The following CFAP299 variants were observed in gnomAD, a reference collection of about 807,000 sequenced individuals.
The protein encoded by CFAP299 is cilia and flagella associated protein 299, also known as cilia- and flagella-associated protein 299.
A neutral mutation model predicts 27.0 loss-of-function variants in CFAP299; 21 were observed. The observed-to-expected ratio is 0.78, with a 90% CI of 0.55 to 1.12. CFAP299 has a LOEUF of 1.12. Ranked by LOEUF, CFAP299 falls within the 50% of genes most tolerant of loss-of-function variation. The pLI, the probability that CFAP299 is intolerant of heterozygous loss-of-function variation, is 0.00. For synonymous variants in CFAP299, 104 were observed against 98.1 expected (o/e 1.06, Z -0.36); for missense variants, 310 against 276.6 (o/e 1.12, Z -0.86).
intron 4 of CFAP299, among the ~76,000 whole-genome samples, chr4:80,920,972 T>C (rs926805022): frequency 2.0e-5 from 3 of 152,146 alleles, no homozygotes; most frequent in Non-Finnish European, 4.4e-5. Context: ...TTCTAGTCTT[T>C]GTAAACGAAG....
At chr4:80,724,476 G>T (rs1723030818) in intron 3 of CFAP299, among the ~76,000 whole-genome samples, 1 of 151,826 alleles carries the variant, frequency 6.6e-6, no homozygotes, top group Non-Finnish European at 1.5e-5. Flanking sequence ...GCACTAATTT[G>T]GAGCCTGGTA....
At chr4:80,654,183 T>C (rs1740446040) in intron 3 of CFAP299, among the ~76,000 whole-genome samples, 1 of 152,164 alleles carries the variant, frequency 6.6e-6, no homozygotes, top group African/African-American at 2.4e-5. Context: ...AATACATTAT[T>C]GAATTCATGT....
chr4:80,639,429 G>A (rs1159849794), intron 3 of CFAP299, among the ~76,000 whole-genome samples: 1 of 152,108 alleles, frequency 6.6e-6, no homozygotes, highest in Non-Finnish European at 1.5e-5. Context: ...ATTCACAGCG[G>A]GACTAGCTGT....
At chr4:80,722,148 T>C (rs893372538) in intron 3 of CFAP299, among the ~76,000 whole-genome samples, 6 of 152,246 alleles carry the variant, frequency 3.9e-5, no homozygotes, top group Admixed American at 1.3e-4. Context: ...CCAGGCTCAG[T>C]GGCTCATGCC....
intron 4 of CFAP299, among the ~76,000 whole-genome samples, chr4:80,912,017 C>T (rs2110204143): frequency 6.6e-6 from 1 of 152,102 alleles, no homozygotes; most frequent in South Asian, 2.1e-4. Flanking sequence ...CACTAAATCA[C>T]TATTATTTAA....
intron 2 of CFAP299, among the ~76,000 whole-genome samples, chr4:80,436,707 A>G (rs988502303): frequency 4.6e-5 from 7 of 152,216 alleles, no homozygotes; most frequent in Non-Finnish European, 1.0e-4. Context: ...GGAACAAGAG[A>G]TAAAGATGAT....
chr4:80,661,860 G>A (rs923466160), intron 3 of CFAP299, among the ~76,000 whole-genome samples: 6 of 152,128 alleles, frequency 3.9e-5, no homozygotes, highest in Admixed American at 1.3e-4. Context: ...AAGAGAATGC[G>A]TCCCTAAGGG....
intron 3 of CFAP299, among the ~76,000 whole-genome samples, chr4:80,586,864 C>G (rs2109878178): frequency 6.6e-6 from 1 of 152,222 alleles, no homozygotes; most frequent in East Asian, 1.9e-4. Context: ...ACTATGTAAA[C>G]AGTCACATGG....
chr4:80,738,645 G>A (rs944178313), intron 3 of CFAP299, among the ~76,000 whole-genome samples: 34 of 148,330 alleles, frequency 2.3e-4, no homozygotes, highest in African/African-American at 7.4e-4. Context: ...TTTCTTGTAG[G>A]CAGCAAATCA....
chr4:80,696,564 T>G (rs1721107867), intron 3 of CFAP299, among the ~76,000 whole-genome samples: 1 of 152,178 alleles, frequency 6.6e-6, no homozygotes. Flanking sequence ...CTCTTTTTAC[T>G]TAATGTATAT....
At chr4:80,561,159 A>G (rs1222729462) in intron 2 of CFAP299, among the ~76,000 whole-genome samples, 1 of 152,136 alleles carries the variant, frequency 6.6e-6, no homozygotes, top group Non-Finnish European at 1.5e-5. Flanking sequence ...AGAAGAGAAC[A>G]ACAGTCTCTG....
intron 3 of CFAP299, among the ~76,000 whole-genome samples, chr4:80,679,924 G>C (rs1294386726): frequency 6.6e-6 from 1 of 151,902 alleles, no homozygotes; most frequent in Non-Finnish European, 1.5e-5. Flanking sequence ...ATGTTTCATA[G>C]AGGAAAAGTT....
chr4:80,957,371 A>G (rs1282099436), intron 5 of CFAP299, among the ~76,000 whole-genome samples: 2 of 152,140 alleles, frequency 1.3e-5, no homozygotes, highest in Non-Finnish European at 2.9e-5. Context: ...TGTATGTGTA[A>G]CGGTTTTTAG....
intron 3 of CFAP299, among the ~76,000 whole-genome samples, chr4:80,705,550 G>A (rs767634473): frequency 2.6e-5 from 4 of 151,766 alleles, no homozygotes; most frequent in Admixed American, 6.6e-5. Context: ...AAGGAGTTTG[G>A]AACAATTCTG....
At chr4:80,947,675 A>C (rs1737545945) in intron 5 of CFAP299, among the ~76,000 whole-genome samples, 2 of 152,142 alleles carry the variant, frequency 1.3e-5, no homozygotes, top group African/African-American at 4.8e-5. Context: ...TTGAGAAAAA[A>C]TCTCCATAAA....
chr4:80,352,583 A>G (rs1723069538), intron 1 of CFAP299, among the ~76,000 whole-genome samples: 1 of 152,154 alleles, frequency 6.6e-6, no homozygotes, highest in African/African-American at 2.4e-5. Context: ...ATAAATAAAT[A>G]AAAGAGCAGT....
At chr4:80,822,171 T>A (rs1729743758) in intron 3 of CFAP299, among the ~76,000 whole-genome samples, 1 of 152,202 alleles carries the variant, frequency 6.6e-6, no homozygotes, top group Non-Finnish European at 1.5e-5. Flanking sequence ...GGGATCCAAC[T>A]TCTTATTTAT....
chr4:80,832,570 G>T (rs544000593), intron 3 of CFAP299, among the ~76,000 whole-genome samples: 1 of 152,132 alleles, frequency 6.6e-6, no homozygotes, highest in East Asian at 1.9e-4. Context: ...AAACGTAAAA[G>T]TTCTGGTTTT....
intron 2 of CFAP299, among the ~76,000 whole-genome samples, chr4:80,548,092 A>G (rs1734329778): frequency 6.6e-6 from 1 of 152,202 alleles, no homozygotes; most frequent in Admixed American, 6.5e-5. Flanking sequence ...TCATTGCAGC[A>G]CTGCTCACAA....
Sources: allele counts gnomAD v4.1 joint callset (sites outside exome capture counted in the v4.1 genomes callset), GRCh38; gene constraint gnomAD v4.1.1; transcripts MANE v1.5; gene names NCBI Gene and HGNC (gene_info 2026-07-23, HGNC 2026-07-21).